SDK1: variants seen among roughly 807,000 people sequenced by gnomAD.
The protein encoded by SDK1 is sidekick cell adhesion molecule 1, also known as protein sidekick-1.
A neutral mutation model predicts 245.5 loss-of-function variants in SDK1; 157 were observed. The observed-to-expected ratio is 0.64, with a 90% CI of 0.56 to 0.73. The LOEUF is 0.73. Ranked by LOEUF, SDK1 falls within the 30% of genes least tolerant of loss-of-function variation. The pLI is 0.00. For synonymous variants in SDK1, 1,647 were observed against 1,278.5 expected (o/e 1.29, Z -6.15); for missense variants, 3,583 against 3,002.3 (o/e 1.19, Z -4.52).
At position 3,673,496 on chromosome 7, in the gene SDK1, G is replaced by A. The variant is rs867127033; in HGVS notation, c.713+31391G>A. ...AAACTCATAATCATTTATAATCAAT[G>A]TTTAAACATGGAAAAATAAAAGTAC... is the stretch of plus-strand genomic sequence containing the variant. On this transcript the variant is annotated intron_variant, in intron 4 of 44. Coordinates refer to ENST00000404826, the MANE Select transcript of SDK1 (RefSeq NM_152744.4). Among the ~76,000 whole-genome samples, 202 of 152,234 alleles carry A rather than the reference G, an allele frequency of 1.3e-3. 2 individuals carry two copies. Among genetic ancestry groups the A allele is most frequent in the African/African-American group, 4.6e-3 (190 of 41,518 alleles).
chr7:3,504,580 C>G (rs1782329176), intron 1 of SDK1, among the ~76,000 whole-genome samples: 1 of 152,056 alleles, frequency 6.6e-6, no homozygotes, highest in Non-Finnish European at 1.5e-5. Flanking sequence ...GTCTTGTCAG[C>G]AAATTGTGCT....
At chr7:4,051,074 G>C (rs528757071) in intron 18 of SDK1, among the ~76,000 whole-genome samples, 1 of 137,684 alleles carries the variant, frequency 7.3e-6, no homozygotes, top group Non-Finnish European at 1.5e-5. Context: ...TGTTATGTAT[G>C]TTATATATAG....
intron 1 of SDK1, among the ~76,000 whole-genome samples, chr7:3,343,854 T>C (rs1475773194): frequency 6.6e-6 from 1 of 151,956 alleles, no homozygotes; most frequent in Non-Finnish European, 1.5e-5. Context: ...AAAGATACCA[T>C]ACAAACAAAA....
At chr7:3,389,820 C>T (rs1183583004) in intron 1 of SDK1, among the ~76,000 whole-genome samples, 1 of 152,082 alleles carries the variant, frequency 6.6e-6, no homozygotes, top group Non-Finnish European at 1.5e-5. Flanking sequence ...TAACAAATAT[C>T]TGAAAATGTG....
At chr7:3,418,145 G>GCAAAAAAAAAAAAAAGAAAAAA (rs1292199670) in intron 1 of SDK1, among the ~76,000 whole-genome samples, 2 of 119,726 alleles carry the variant, frequency 1.7e-5, no homozygotes, top group African/African-American at 7.8e-5. Flanking sequence ...TACTAAAAAT[G>GCAAAAAAAAAAAAAAGAAAAAA]AAAAAAAAAA....
chr7:3,328,969 A>G (rs973410432), intron 1 of SDK1, among the ~76,000 whole-genome samples: 1 of 152,178 alleles, frequency 6.6e-6, no homozygotes, highest in Admixed American at 6.5e-5. Context: ...GAATCATTTA[A>G]ATATACTGAT....
At chr7:3,405,165 A>C (rs13239460) in intron 1 of SDK1, among the ~76,000 whole-genome samples, 58,754 of 141,520 alleles carry the variant, frequency 0.42, 12,776 homozygotes, top group Admixed American at 0.51. Context: ...AAACCAAAAA[A>C]AAAAACAAAA....
chr7:3,950,623 A>G (rs1470783856), intron 5 of SDK1, among the ~76,000 whole-genome samples: 1 of 152,210 alleles, frequency 6.6e-6, no homozygotes, highest in Non-Finnish European at 1.5e-5. Context: ...TTCCACTCAC[A>G]ATGGGGTTAT....
intron 4 of SDK1, among the ~76,000 whole-genome samples, chr7:3,724,707 C>G (rs1778958184): frequency 6.6e-6 from 1 of 152,206 alleles, no homozygotes; most frequent in African/African-American, 2.4e-5. Context: ...GAGACACGGG[C>G]TGCTTGGGTC....
chr7:3,328,922 A>G (rs1780000474), intron 1 of SDK1, among the ~76,000 whole-genome samples: 1 of 152,148 alleles, frequency 6.6e-6, no homozygotes, highest in Admixed American at 6.6e-5. Flanking sequence ...TTTTTCTAAG[A>G]AAATCAAAAG....
chr7:3,953,453 CT>C (rs770435500), intron 7 of SDK1, among the ~76,000 whole-genome samples: 16 of 152,216 alleles, frequency 1.1e-4, no homozygotes, highest in South Asian at 2.1e-4. Context: ...CCCATCCATG[CT>C]TCCGCTACAG....
intron 41 of SDK1, among the ~76,000 whole-genome samples, chr7:4,234,900 G>C (rs1274417623): frequency 2.0e-5 from 3 of 152,240 alleles, no homozygotes; most frequent in Non-Finnish European, 4.4e-5. Context: ...AGAAGCCCCA[G>C]GTAGGGCCAG....
intron 5 of SDK1, among the ~76,000 whole-genome samples, chr7:3,899,645 G>C (rs1781715616): frequency 1.3e-5 from 2 of 152,202 alleles, no homozygotes; most frequent in African/African-American, 2.4e-5. Flanking sequence ...TGCTCAGCCA[G>C]GTCCAAGCTG....
At chr7:3,776,163 T>C (rs1045683653) in intron 4 of SDK1, among the ~76,000 whole-genome samples, 8 of 152,184 alleles carry the variant, frequency 5.3e-5, no homozygotes, top group African/African-American at 1.9e-4. Context: ...CATGACTGAG[T>C]GTAAGTTAAT....
intron 17 of SDK1, 103 bp downstream of exon 17, chr7:4,017,455 T>C (rs1786504514): frequency 2.0e-6 from 2 of 1,005,432 alleles, no homozygotes; most frequent in African/African-American, 1.6e-5. Context: ...GAGAATCCAG[T>C]CCCCTAGGGA....
intron 4 of SDK1, among the ~76,000 whole-genome samples, chr7:3,723,317 T>G (rs531302316): frequency 1.3e-5 from 2 of 152,332 alleles, no homozygotes; most frequent in South Asian, 2.1e-4. Flanking sequence ...GGCAGCACTT[T>G]CCTGAAAGAA....
At chr7:3,785,008 A>G (rs191935512) in intron 4 of SDK1, among the ~76,000 whole-genome samples, 1 of 152,358 alleles carries the variant, frequency 6.6e-6, no homozygotes, top group East Asian at 1.9e-4. Flanking sequence ...CACGTAATGG[A>G]ATACTATTCA....
chr7:3,949,874 G>T (rs1051572878), intron 5 of SDK1, among the ~76,000 whole-genome samples: 10 of 152,172 alleles, frequency 6.6e-5, no homozygotes, highest in African/African-American at 2.2e-4. Flanking sequence ...TAACAGAACT[G>T]AACCCTTTGT....
intron 44 of SDK1, among the ~76,000 whole-genome samples, chr7:4,250,519 A>G (rs1787227016): frequency 6.6e-6 from 1 of 151,902 alleles, no homozygotes; most frequent in Admixed American, 6.6e-5. Context: ...GATTTTTGGT[A>G]TTTTTATTAG....
Sources: gnomAD v4.1 joint callset for allele counts (sites outside exome capture counted in the v4.1 genomes callset) on GRCh38, gnomAD v4.1.1 for gene constraint, MANE v1.5 for transcripts, NCBI Gene and HGNC (gene_info 2026-07-23, HGNC 2026-07-21) for gene names.